FNDC3B: variants seen among roughly 807,000 people sequenced by gnomAD.
FNDC3B encodes the protein fibronectin type III domain-containing protein 3B.
FNDC3B carries 12 observed loss-of-function variants against 151.5 expected under a neutral mutation model. That is an observed-to-expected ratio of 0.08 (90% CI 0.05 to 0.13). The LOEUF (loss-of-function observed/expected upper bound fraction) is 0.13. Ranked by LOEUF, FNDC3B falls within the 10% of genes least tolerant of loss-of-function variation. The pLI is 1.00. For missense variants in FNDC3B, 1,214 were observed against 1,505.3 expected (o/e 0.81, Z 3.20); for synonymous variants, 528 against 549.0 (o/e 0.96, Z 0.54).
intron 3 of FNDC3B, among the ~76,000 whole-genome samples, chr3:172,208,674 C>T (rs545528423): frequency 7.9e-5 from 12 of 152,028 alleles, no homozygotes; most frequent in South Asian, 2.1e-4. Flanking sequence ...TGGCCGGCGG[C>T]GCCTCTGCTT....
chr3:172,169,993 C>T (rs138576746), intron 3 of FNDC3B, among the ~76,000 whole-genome samples: 90 of 152,226 alleles, frequency 5.9e-4, no homozygotes, highest in Non-Finnish European at 1.0e-3. Context: ...TCTGTCCCGT[C>T]CTCTGCTGTT....
intron 4 of FNDC3B, among the ~76,000 whole-genome samples, chr3:172,231,671 C>T (rs149575346): frequency 2.6e-5 from 4 of 152,054 alleles, no homozygotes; most frequent in South Asian, 2.1e-4. Context: ...GCTGACGCCC[C>T]GGTTGGAACC....
chr3:172,247,723 C>T lies in FNDC3B; in HGVS notation c.455C>T (p.Pro152Leu), dbSNP rs754538002. ...YPPVTGPGDM[P>L]PQFFPQHHLP... The stretch of plus-strand genomic sequence containing the variant: ...CCTGTTACCGGACCTGGAGATATGC[C>T]GCCTCAGTTTTTTCCCCAGCATCAT... The change falls in exon 5 of 26, where the codon CCG (proline) becomes CTG (leucine). Residue 152 changes from proline to leucine, a missense_variant. By Grantham distance (98) the Pro-to-Leu change is moderately conservative (BLOSUM62 -3). Coordinates refer to ENST00000415807, the MANE Select transcript of FNDC3B (RefSeq NM_022763.4). The T allele has an allele frequency of 3.1e-6, 5 of 1,614,038 alleles. No homozygotes were observed. Among genetic ancestry groups the T allele is most frequent in the East Asian group, 2.2e-5 (1 of 44,882 alleles).
chr3:172,390,909 T>C (rs1467046319), intron 25 of FNDC3B, among the ~76,000 whole-genome samples: 1 of 152,120 alleles, frequency 6.6e-6, no homozygotes, highest in Non-Finnish European at 1.5e-5. Flanking sequence ...TGGGATGATT[T>C]AGAAGGTCTT....
chr3:172,194,558 A>C (rs1341951980), intron 3 of FNDC3B, among the ~76,000 whole-genome samples: 1 of 152,200 alleles, frequency 6.6e-6, no homozygotes, highest in African/African-American at 2.4e-5. Context: ...GGTACTGCTA[A>C]ATGGGTTGGT....
At chr3:172,209,591 G>A (rs950468202) in intron 3 of FNDC3B, among the ~76,000 whole-genome samples, 10 of 152,148 alleles carry the variant, frequency 6.6e-5, no homozygotes, top group Middle Eastern at 3.2e-3. Flanking sequence ...GGCCACAGGC[G>A]GGCCTGGAAA....
At chr3:172,146,074 G>C (rs1468571840) in intron 3 of FNDC3B, among the ~76,000 whole-genome samples, 2 of 152,054 alleles carry the variant, frequency 1.3e-5, no homozygotes, top group Non-Finnish European at 2.9e-5. Context: ...CGGCCTCCCA[G>C]AGTGCTGGGA....
intron 25 of FNDC3B, among the ~76,000 whole-genome samples, chr3:172,386,007 A>AT (rs1333283153): frequency 6.6e-6 from 1 of 152,200 alleles, no homozygotes; most frequent in Non-Finnish European, 1.5e-5. Context: ...CAAGCAGCTG[A>AT]TTTTAATTAT....
chr3:172,391,248 A>G (rs1188179886), intron 25 of FNDC3B, among the ~76,000 whole-genome samples: 1 of 152,218 alleles, frequency 6.6e-6, no homozygotes, highest in Non-Finnish European at 1.5e-5. Context: ...AATAAAGCAG[A>G]CATACCCTCC....
chr3:172,091,668 A>G (rs1459148241), intron 1 of FNDC3B, among the ~76,000 whole-genome samples: 3 of 152,206 alleles, frequency 2.0e-5, no homozygotes, highest in African/African-American at 7.2e-5. Flanking sequence ...GTTGCTAAAC[A>G]TATAAGAATA....
chr3:172,251,117 A>AAT (rs2108775630), intron 5 of FNDC3B, 143 bp from the exon 6 acceptor site: 1 of 724,132 alleles, frequency 1.4e-6, no homozygotes, highest in East Asian at 2.8e-5. Context: ...TTTCTTAAAA[A>AAT]ATATTTATTA....
intron 9 of FNDC3B, chr3:172,303,014 TTATATA>T (rs10582043): frequency 6.6e-6 from 1 of 151,116 alleles, no homozygotes; most frequent in Admixed American, 6.6e-5. Flanking sequence ...TTTTAAATAC[TTATATA>T]TATATAAATA....
intron 23 of FNDC3B, among the ~76,000 whole-genome samples, chr3:172,374,639 C>T (rs763072024): frequency 1.4e-4 from 22 of 152,240 alleles, no homozygotes; most frequent in East Asian, 1.4e-3. Context: ...GTGATCCGCC[C>T]GCCTCGGCCT....
chr3:172,357,992 C>G (rs931044192), intron 22 of FNDC3B, among the ~76,000 whole-genome samples: 8 of 152,202 alleles, frequency 5.3e-5, no homozygotes, highest in African/African-American at 1.9e-4. Flanking sequence ...CAATGTTGAA[C>G]TGAAAGTGTG....
intron 8 of FNDC3B, among the ~76,000 whole-genome samples, chr3:172,297,681 A>T (rs546590323): frequency 6.6e-6 from 1 of 152,110 alleles, no homozygotes; most frequent in South Asian, 2.1e-4. Flanking sequence ...TCACCGTGTT[A>T]GCCAGGATGG....
At chr3:172,104,718 C>T (rs1341674436) in intron 1 of FNDC3B, among the ~76,000 whole-genome samples, 1 of 152,140 alleles carries the variant, frequency 6.6e-6, no homozygotes, top group African/African-American at 2.4e-5. Context: ...GCCATATTCT[C>T]ACAGTAGCAG....
intron 23 of FNDC3B, among the ~76,000 whole-genome samples, chr3:172,370,698 G>C (rs539861981): frequency 2.6e-5 from 4 of 152,142 alleles, no homozygotes; most frequent in Non-Finnish European, 5.9e-5. Flanking sequence ...GCTCTGTCCC[G>C]CCATGGAGTA....
rs558032829 is a variant in FNDC3B, at chr3:172,300,258, A to G, written c.1061+1471A>G. ...CAGAAAATGTAAAACCAGAAAATGT[A>G]AAAGTCATGTAAATGTTATCTATTA... On this transcript the variant is annotated intron_variant, in intron 9 of 25. Transcript: ENST00000415807. 1.2e-3 allele frequency among the ~76,000 whole-genome samples: 185 copies of G among 152,376 alleles called. 1 individual carries two copies. Among genetic ancestry groups the G allele is most frequent in the African/African-American group, 4.2e-3 (175 of 41,584 alleles).
At chr3:172,271,899 C>T (rs1729219348) in intron 6 of FNDC3B, among the ~76,000 whole-genome samples, 1 of 152,126 alleles carries the variant, frequency 6.6e-6, no homozygotes, top group Non-Finnish European at 1.5e-5. Flanking sequence ...TTCAGAAGGC[C>T]TCCTAATAAT....
Sources: gnomAD v4.1 joint callset for allele counts (sites outside exome capture counted in the v4.1 genomes callset) on GRCh38, gnomAD v4.1.1 for gene constraint, MANE v1.5 for transcripts, NCBI Gene and HGNC (gene_info 2026-07-23, HGNC 2026-07-21) for gene names.